The following GPHN variants were observed in gnomAD, a reference collection of about 807,000 sequenced individuals.
The protein encoded by GPHN is gephyrin.
In GPHN, 17 loss-of-function variants were observed where a neutral mutation model predicts 95.5. The ratio of observed to expected loss-of-function variants is 0.18; its 90% CI spans 0.12 to 0.27. The LOEUF (loss-of-function observed/expected upper bound fraction) is 0.27. Among genes scored for constraint, GPHN ranks in the 10% least tolerant of loss-of-function variants. The pLI, the probability that GPHN is intolerant of heterozygous loss-of-function variation, is 1.00. For missense variants in GPHN, 660 were observed against 978.1 expected (o/e 0.67, Z 4.34); for synonymous variants, 320 against 322.5 (o/e 0.99, Z 0.08).
chr14:67,584,145 C>T, the GPHN span: 3 of 1,609,966 alleles, frequency 1.9e-6, no homozygotes, highest in Admixed American at 1.7e-5. Context: ...GTGGAAGGAG[C>T]TGCCCACACC....
At chr14:67,722,689 A>G in the GPHN span, 1 of 1,613,894 alleles carries the variant, frequency 6.2e-7, no homozygotes, top group Non-Finnish European at 8.5e-7. Context: ...TCGTTCCTGT[A>G]TATGGTAGCT....
At chr14:67,030,982 T>C (rs2074166373) in intron 10 of GPHN, among the ~76,000 whole-genome samples, 1 of 150,918 alleles carries the variant, frequency 6.6e-6, no homozygotes, top group East Asian at 2.0e-4. Context: ...CTAATATATT[T>C]ATTGAAAATA....
chr14:66,858,728 T>C (rs1483706342), intron 4 of GPHN, among the ~76,000 whole-genome samples: 1 of 151,938 alleles, frequency 6.6e-6, no homozygotes, highest in East Asian at 1.9e-4. Flanking sequence ...GCCTTGGAGC[T>C]TGGACAGCAT....
At chr14:67,662,580 A>G in the GPHN span, 7 of 1,542,754 alleles carry the variant, frequency 4.5e-6, no homozygotes, top group Non-Finnish European at 6.2e-6. Context: ...CTGTTTCCAC[A>G]CATTTGTAAA....
At chr14:66,897,719 G>C (rs1229440718) in intron 5 of GPHN, among the ~76,000 whole-genome samples, 1 of 152,024 alleles carries the variant, frequency 6.6e-6, no homozygotes, top group Non-Finnish European at 1.5e-5. Context: ...ACTACAGTTT[G>C]TTCAACCATT....
chr14:67,149,603 A>C (rs1211941935), intron 18 of GPHN, among the ~76,000 whole-genome samples: 5 of 152,196 alleles, frequency 3.3e-5, no homozygotes, highest in Non-Finnish European at 7.4e-5. Context: ...GAAAAACAAA[A>C]GAACACTTAT....
the GPHN span, among the ~76,000 whole-genome samples, chr14:67,572,457 A>C: frequency 6.6e-6 from 1 of 152,112 alleles, no homozygotes; most frequent in Admixed American, 6.5e-5. Context: ...CACAGACCCC[A>C]CAAGGAAGGA....
chr14:67,497,434 A>C, the GPHN span, among the ~76,000 whole-genome samples: 1 of 152,082 alleles, frequency 6.6e-6, no homozygotes, highest in South Asian at 2.1e-4. Flanking sequence ...GGAAGAACTG[A>C]CGGGCAGCTC....
chr14:67,476,957 C>A, the GPHN span, among the ~76,000 whole-genome samples: 1 of 152,140 alleles, frequency 6.6e-6, no homozygotes, highest in Non-Finnish European at 1.5e-5. Flanking sequence ...GAAACCCTGT[C>A]TCTACTAAAA....
the GPHN span, among the ~76,000 whole-genome samples, chr14:67,242,576 A>G: frequency 3.3e-5 from 5 of 152,280 alleles, no homozygotes; most frequent in African/African-American, 1.2e-4. Flanking sequence ...TCTTTGAAGT[A>G]TTGGTGGTAA....
the GPHN span, among the ~76,000 whole-genome samples, chr14:67,428,980 A>G: frequency 1.3e-5 from 2 of 152,326 alleles, no homozygotes; most frequent in East Asian, 3.9e-4. Flanking sequence ...GAATTTTCCC[A>G]TTAGAGTCAA....
the GPHN span, chr14:67,590,298 G>C: frequency 6.1e-4 from 432 of 702,490 alleles, 2 homozygotes; most frequent in East Asian, 0.011. Flanking sequence ...TGTTGCCCAG[G>C]CTGGAGTGCA....
At chr14:67,604,063 A>G in the GPHN span, among the ~76,000 whole-genome samples, 2 of 149,790 alleles carry the variant, frequency 1.3e-5, no homozygotes, top group African/African-American at 4.9e-5. Flanking sequence ...CACAATCTCT[A>G]CTCACTGCAA....
the GPHN span, among the ~76,000 whole-genome samples, chr14:67,605,390 C>G: frequency 7.2e-5 from 11 of 152,310 alleles, no homozygotes; most frequent in East Asian, 2.1e-3. Context: ...CCATCTCACT[C>G]TGTCACCCAG....
chr14:67,676,219 T>TCC, the GPHN span, among the ~76,000 whole-genome samples: 4 of 152,262 alleles, frequency 2.6e-5, no homozygotes, highest in Non-Finnish European at 5.9e-5. Context: ...GTATGACTGC[T>TCC]CAGGAGAAAA....
chr14:67,480,695 G>C, the GPHN span, among the ~76,000 whole-genome samples: 5 of 152,144 alleles, frequency 3.3e-5, no homozygotes, highest in African/African-American at 1.2e-4. Context: ...CCCAGGGCCC[G>C]GGCTGAGGGA....
intron 2 of GPHN, among the ~76,000 whole-genome samples, chr14:66,691,871 A>G (rs1638528920): frequency 6.6e-6 from 1 of 152,210 alleles, no homozygotes; most frequent in Non-Finnish European, 1.5e-5. Flanking sequence ...AGAAAACAAA[A>G]CTAAACAAAC....
At chr14:67,702,738 A>G in the GPHN span, among the ~76,000 whole-genome samples, 2 of 152,228 alleles carry the variant, frequency 1.3e-5, no homozygotes, top group Non-Finnish European at 2.9e-5. Context: ...GATACAACAT[A>G]TAACATATTA....
At chr14:67,445,577 C>CTTTTTTTTTTTTT in the GPHN span, among the ~76,000 whole-genome samples, 106 of 59,936 alleles carry the variant, frequency 1.8e-3, 7 homozygotes, top group Non-Finnish European at 2.7e-3. Context: ...AGAGGCAATT[C>CTTTTTTTTTTTTT]TTTTTTTTTT....
Sources: gnomAD v4.1 joint callset for allele counts (sites outside exome capture counted in the v4.1 genomes callset) on GRCh38, gnomAD v4.1.1 for gene constraint, MANE v1.5 for transcripts, NCBI Gene and HGNC (gene_info 2026-07-23, HGNC 2026-07-21) for gene names.